PALS2: variants seen among roughly 807,000 people sequenced by gnomAD.
PALS2 encodes protein PALS2.
In PALS2, 27 loss-of-function variants were observed where a neutral mutation model predicts 61.6. The observed-to-expected ratio is 0.44, with a 90% CI of 0.32 to 0.60. The LOEUF is 0.60. Ranked by LOEUF, PALS2 falls within the 20% of genes least tolerant of loss-of-function variation. The pLI is 0.05. For missense variants in PALS2, 554 were observed against 639.4 expected, an observed-to-expected ratio of 0.87 and a Z score of 1.44; for synonymous variants, 236 against 218.6, an observed-to-expected ratio of 1.08 and a Z score of -0.70.
intron 10 of PALS2, 23 bp downstream of exon 10, chr7:24,679,356 C>A: frequency 1.2e-6 from 2 of 1,609,248 alleles, no homozygotes; most frequent in Non-Finnish European, 1.7e-6. Context: ...GATTCCAAAG[C>A]TGTTTTATAT....
At position 24,688,227 on chromosome 7, in the gene PALS2, A is replaced by C. The variant is rs1447096672; in HGVS notation, c.*613A>C. On this transcript the variant is annotated 3_prime_UTR_variant, in exon 12 of 12. Coordinates refer to ENST00000222644, the MANE Select transcript of PALS2 (RefSeq NM_001303037.2). Reference sequence around the variant, plus strand: ...TATCCATTCTAATTTATACAGCTATATTAGTTTTGTCTCTTCATTTCTATC... The same window carrying C: ...TATCCATTCTAATTTATACAGCTATCTTAGTTTTGTCTCTTCATTTCTATC... 1 of 152,200 alleles carries C rather than the reference A, an allele frequency of 6.6e-6. No homozygotes were observed. The highest frequency in any genetic ancestry group is 6.5e-5 in the Admixed American group (1 of 15,274). 9.4% of individuals were successfully genotyped at this position (152,200 alleles called of 1,614,324 possible).
Position 24,652,338 on chromosome 7 carries a change from A to G in PALS2, c.651+1626A>G, listed in dbSNP as rs116012116. On this transcript the variant is annotated intron_variant, in intron 5 of 11. Transcript: ENST00000222644. ...CTAGGGCTTTGGCCCAAATTCCTAC[A>G]TAGATTTTGCATCTGGTGAACTAAC... Among the ~76,000 whole-genome samples, 798 of 152,310 alleles carry G rather than the reference A, an allele frequency of 5.2e-3. 6 individuals carry two copies. The highest frequency in any genetic ancestry group is 0.017 in the African/African-American group (722 of 41,584).
intron 2 of PALS2, among the ~76,000 whole-genome samples, chr7:24,629,582 C>CT (rs1255680775): frequency 1.3e-5 from 2 of 152,012 alleles, no homozygotes; most frequent in African/African-American, 4.8e-5. Flanking sequence ...GCAAGCTATC[C>CT]GTCTGACAAA....
intron 9 of PALS2, among the ~76,000 whole-genome samples, chr7:24,673,541 G>T (rs1455762251): frequency 6.6e-6 from 1 of 152,024 alleles, no homozygotes; most frequent in Non-Finnish European, 1.5e-5. Flanking sequence ...TTTCTTTGTG[G>T]GAAGTTTTGA....
Position 24,574,444 on chromosome 7 carries a change from A to G in PALS2, c.-3+851A>G, listed in dbSNP as rs182274427. Among the ~76,000 whole-genome samples, 4 of 152,174 alleles carry G rather than the reference A, an allele frequency of 2.6e-5. No individual in the cohort carries two copies. The East Asian group carries it at 5.8e-4, about 22-fold the overall frequency. On this transcript the variant is annotated intron_variant, in intron 1 of 11. Transcript: ENST00000222644. ...CTTTTTAACACTTTACTGGGAGTTT[A>G]TTCTCAATCCTACCAGTTTCTGGGA...
At chr7:24,587,110 C>T (rs367716217) in intron 1 of PALS2, among the ~76,000 whole-genome samples, 2 of 149,454 alleles carry the variant, frequency 1.3e-5, no homozygotes, top group African/African-American at 5.0e-5. Context: ...GCAAGTTGTT[C>T]TCATATTTGA....
chr7:24,661,088 TTTAG>T (rs1786695937), intron 5 of PALS2, among the ~76,000 whole-genome samples: 1 of 152,150 alleles, frequency 6.6e-6, no homozygotes, highest in Admixed American at 6.5e-5. Flanking sequence ...GTAGGTGGTG[TTTAG>T]TTAATGATGA....
At chr7:24,644,425 A>T (rs922841302) in intron 3 of PALS2, among the ~76,000 whole-genome samples, 1 of 152,168 alleles carries the variant, frequency 6.6e-6, no homozygotes, top group Non-Finnish European at 1.5e-5. Context: ...ATGTTGCCAC[A>T]AAAGACATGA....
intron 1 of PALS2, chr7:24,574,005 T>A (rs1248114033): frequency 6.6e-6 from 1 of 152,156 alleles, no homozygotes; most frequent in African/African-American, 2.4e-5. Context: ...TGCCTACACC[T>A]CTGCGGCGGG....
At chr7:24,685,079 A>G (rs1263930562) in intron 11 of PALS2, among the ~76,000 whole-genome samples, 3 of 152,050 alleles carry the variant, frequency 2.0e-5, no homozygotes, top group Middle Eastern at 3.2e-3. Context: ...CCCAACATCC[A>G]TTAGCTATTC....
intron 1 of PALS2, among the ~76,000 whole-genome samples, chr7:24,593,373 C>T (rs1353094099): frequency 6.6e-6 from 1 of 152,110 alleles, no homozygotes; most frequent in East Asian, 1.9e-4. Flanking sequence ...TTCCAGACTC[C>T]TGTGAATCAA....
chr7:24,644,676 T>C (rs1338403160), intron 3 of PALS2, among the ~76,000 whole-genome samples: 1 of 152,168 alleles, frequency 6.6e-6, no homozygotes, highest in African/African-American at 2.4e-5. Context: ...ATGGGATTGC[T>C]GGGTCAAATG....
At position 24,691,293 on chromosome 7, in the gene PALS2, A is replaced by G. The variant is rs1788453185; in HGVS notation, c.*3679A>G. ...CTAGAGAGCCAATAATTTTGTAGTA[A>G]TGAACCTTAACTAAACATGAAAAAG... On this transcript the variant is annotated 3_prime_UTR_variant, in exon 12 of 12. Coordinates refer to ENST00000222644, the MANE Select transcript of PALS2 (RefSeq NM_001303037.2). 1.3e-5 allele frequency: 2 copies of G among 151,548 alleles called. No individual in the cohort carries two copies. Among genetic ancestry groups the G allele is most frequent in the Non-Finnish European group, 2.9e-5 (2 of 67,822 alleles). The allele number at this position is 151,548 out of a possible 1,614,324, so 9.4% of individuals were successfully genotyped here. A position where few individuals can be genotyped will look rare whatever the true frequency, so the allele number is the denominator to read the frequency against.
In PALS2 at chr7:24,628,226, T is replaced by G. The variant is rs1784836042; in HGVS notation, c.117+4442T>G. Among the ~76,000 whole-genome samples, 5 of 152,142 alleles carry G rather than the reference T, an allele frequency of 3.3e-5. No homozygotes were observed. The South Asian group carries it at 1.0e-3, about 32-fold the overall frequency. On this transcript the variant is annotated intron_variant, in intron 2 of 11. Coordinates refer to ENST00000222644, the MANE Select transcript of PALS2 (RefSeq NM_001303037.2). ...GGCAGGTTCAACATGCACAAATGCA[T>G]AATATAATCCATCACATAAGCAGAA...
chr7:24,665,817 G>A (rs533429933), intron 7 of PALS2, 130 bp downstream of exon 7: 14 of 973,766 alleles, frequency 1.4e-5, no homozygotes, highest in South Asian at 1.0e-4. Flanking sequence ...GCTTTCTCTC[G>A]CTCATAAGTA....
Position 24,581,341 on chromosome 7 carries a change from A to C in PALS2, c.-3+7748A>C, listed in dbSNP as rs77190854. The stretch of plus-strand genomic sequence containing the variant: ...GTGAAGGACACTTGTGAAGGCATTT[A>C]GTGCTCTCTGGAATAACCTCCCCAT... On this transcript the variant is annotated intron_variant, in intron 1 of 11. Transcript: ENST00000222644. Among the ~76,000 whole-genome samples, 3 of 151,598 alleles carry C rather than the reference A, an allele frequency of 2.0e-5. No homozygotes were observed. In the East Asian group the frequency reaches 5.8e-4, roughly 29 times the overall value.
At chr7:24,619,732 AAAAG>A (rs869172993) in intron 1 of PALS2, among the ~76,000 whole-genome samples, 1 of 151,486 alleles carries the variant, frequency 6.6e-6, no homozygotes, top group African/African-American at 2.4e-5. Flanking sequence ...AAAAAAAAAA[AAAAG>A]AAAGAAAAAA....
At position 24,596,247 on chromosome 7, in the gene PALS2, A is replaced by G. The variant is rs921774970; in HGVS notation, c.-3+22654A>G. Among the ~76,000 whole-genome samples, 4 of 152,138 alleles carry G rather than the reference A, an allele frequency of 2.6e-5. No individual in the cohort carries two copies. Among genetic ancestry groups the G allele is most frequent in the Non-Finnish European group, 4.4e-5 (3 of 68,008 alleles). On this transcript the variant is annotated intron_variant, in intron 1 of 11. Transcript: ENST00000222644. This position sits in a 1 kb window ranked among gnomAD's most constrained non-coding sequence, Gnocchi z 4.5. ...TACTGCAGCAGACAGGCAAGAATTG[A>G]TGGTGGCTTAGCGTAGGGGGATAGC...
At chr7:24,686,482 G>T (rs959313670) in intron 11 of PALS2, among the ~76,000 whole-genome samples, 2 of 152,116 alleles carry the variant, frequency 1.3e-5, no homozygotes, top group African/African-American at 4.8e-5. Context: ...TGTTTCCTCT[G>T]CCTGAATGCT....
Sources: allele counts gnomAD v4.1 joint callset (sites outside exome capture counted in the v4.1 genomes callset), GRCh38; gene constraint gnomAD v4.1.1; non-coding constraint Gnocchi (gnomAD v3.1); transcripts MANE v1.5; gene names NCBI Gene and HGNC (gene_info 2026-07-23, HGNC 2026-07-21).